The following CLIP4 variants were observed in gnomAD, a reference collection of about 807,000 sequenced individuals.
CLIP4 encodes the protein CAP-Gly domain containing linker protein family member 4, also known as CAP-Gly domain-containing linker protein 4.
Under a neutral mutation model 73.1 loss-of-function variants are expected in CLIP4, and 47 were observed. That is an observed-to-expected ratio of 0.64 (90% confidence interval 0.51 to 0.82). The LOEUF (loss-of-function observed/expected upper bound fraction) is 0.82. Ranked by LOEUF, CLIP4 falls within the 40% of genes least tolerant of loss-of-function variation. CLIP4 has a pLI of 0.00. For missense variants in CLIP4, 874 were observed against 852.9 expected (o/e 1.02, Z -0.31); for synonymous variants, 306 against 295.4 (o/e 1.04, Z -0.37).
intron 15 of CLIP4, among the ~76,000 whole-genome samples, chr2:29,180,567 C>T (rs1372862900): frequency 6.6e-6 from 1 of 152,030 alleles, no homozygotes; most frequent in East Asian, 1.9e-4. Context: ...AACATACATA[C>T]ATATGTGTAT....
intron 8 of CLIP4, among the ~76,000 whole-genome samples, chr2:29,149,145 A>T (rs1052078315): frequency 6.6e-6 from 1 of 152,194 alleles, no homozygotes; most frequent in Non-Finnish European, 1.5e-5. Flanking sequence ...AGCCATAGGC[A>T]GTGTGTAAGC....
upstream of CLIP4, chr2:29,115,266 G>A (rs1663694757): frequency 1.3e-5 from 2 of 152,266 alleles, no homozygotes; most frequent in Admixed American, 6.5e-5. The surrounding 1 kb of genome is among the most constrained non-coding windows in gnomAD (Gnocchi z 5.1). Context: ...GGGGCCGCCT[G>A]GCTTCGCGGC....
chr2:29,135,338 A>G (rs143354212), intron 5 of CLIP4, among the ~76,000 whole-genome samples: 10 of 152,318 alleles, frequency 6.6e-5, no homozygotes, highest in African/African-American at 2.4e-4. Flanking sequence ...ACTCCATCTT[A>G]TAATGAATTT....
intron 8 of CLIP4, among the ~76,000 whole-genome samples, chr2:29,148,901 C>T (rs1018766748): frequency 6.6e-6 from 1 of 152,166 alleles, no homozygotes; most frequent in Admixed American, 6.5e-5. Context: ...TTGAGACCTT[C>T]TATTCTAAAC....
intron 1 of CLIP4, among the ~76,000 whole-genome samples, chr2:29,101,286 T>C (rs200408219): frequency 0.035 from 3,486 of 98,586 alleles, 45 homozygotes; most frequent in African/African-American, 0.057. Context: ...TTTTTTTTTT[T>C]CCCCCCCCCA....
chr2:29,178,789 GT>G (rs1668489877), intron 15 of CLIP4, among the ~76,000 whole-genome samples: 2 of 152,032 alleles, frequency 1.3e-5, no homozygotes, highest in African/African-American at 4.8e-5. Context: ...GTGTGAGTGT[GT>G]TTTTCAATAT....
upstream of CLIP4, among the ~76,000 whole-genome samples, chr2:29,111,367 C>T (rs1318013581): frequency 6.6e-6 from 1 of 152,226 alleles, no homozygotes; most frequent in Non-Finnish European, 1.5e-5. Context: ...ACACTGGTAG[C>T]TGGAAACTGG....
rs889089717 is a variant in CLIP4 at position 29,183,485 on chromosome 2, A to G, written c.*1592A>G. The G allele has an allele frequency of 6.6e-6, 1 of 152,638 alleles. No homozygotes were observed. Among genetic ancestry groups the G allele is most frequent in the Non-Finnish European group, 1.5e-5 (1 of 68,026 alleles). The allele number at this position is 152,638 out of a possible 1,614,324, so 9.5% of individuals were successfully genotyped here. ...GATTCAAAAGTAAACTTATTTTATTATACAGATTATTTCTTAAAAACTCTA... is the reference window on the plus strand; with the variant it reads ...GATTCAAAAGTAAACTTATTTTATTGTACAGATTATTTCTTAAAAACTCTA... On this transcript the variant is annotated 3_prime_UTR_variant, in exon 16 of 16. Transcript: ENST00000320081.
chr2:29,155,165 G>A (rs77070689), intron 9 of CLIP4, among the ~76,000 whole-genome samples: 2,547 of 152,200 alleles, frequency 0.017, 38 homozygotes, highest in Middle Eastern at 0.061. Context: ...GGGCATTGTG[G>A]TGCACACCTG....
upstream of CLIP4, among the ~76,000 whole-genome samples, chr2:29,113,444 G>C: frequency 6.6e-6 from 1 of 152,186 alleles, no homozygotes; most frequent in East Asian, 1.9e-4. This position sits in a 1 kb window ranked among gnomAD's most constrained non-coding sequence, Gnocchi z 4.0. Flanking sequence ...GCAATACCTG[G>C]TTCTAAAGCT....
At chr2:29,165,743 T>C (rs1667566844) in intron 13 of CLIP4, among the ~76,000 whole-genome samples, 1 of 152,174 alleles carries the variant, frequency 6.6e-6, no homozygotes, top group African/African-American at 2.4e-5. Context: ...TCAGAGTACA[T>C]AGTTTGGCAT....
At chr2:29,171,003 TTA>T (rs1667966824) in intron 14 of CLIP4, among the ~76,000 whole-genome samples, 1 of 152,176 alleles carries the variant, frequency 6.6e-6, no homozygotes, top group African/African-American at 2.4e-5. Flanking sequence ...TACTGTAGCT[TTA>T]TAGTAATTCT....
chr2:29,127,671 A>G (rs1048988602), intron 2 of CLIP4, among the ~76,000 whole-genome samples: 1 of 152,116 alleles, frequency 6.6e-6, no homozygotes, highest in African/African-American at 2.4e-5. Flanking sequence ...GAGTGCTGGA[A>G]ATTCTTACCC....
chr2:29,162,912 G>T (rs549969787), intron 12 of CLIP4, among the ~76,000 whole-genome samples: 1 of 152,206 alleles, frequency 6.6e-6, no homozygotes, highest in East Asian at 1.9e-4. Context: ...CACTATTTTT[G>T]TAATTTGTAA....
chr2:29,143,536 G>A (rs1665929146), intron 6 of CLIP4, among the ~76,000 whole-genome samples, 173 bp from the exon 7 acceptor site: 1 of 151,856 alleles, frequency 6.6e-6, no homozygotes, highest in South Asian at 2.1e-4. Context: ...TTTTTTCACT[G>A]TAGGATCTTT....
chr2:29,150,943 A>G (rs960937839), intron 8 of CLIP4, among the ~76,000 whole-genome samples: 4 of 151,844 alleles, frequency 2.6e-5, no homozygotes, highest in Admixed American at 2.6e-4. Flanking sequence ...ATATTTTTCT[A>G]TATTTCTACA....
chr2:29,132,410 C>G (rs1298503530), intron 4 of CLIP4, 165 bp downstream of exon 4: 1 of 616,716 alleles, frequency 1.6e-6, no homozygotes, highest in Non-Finnish European at 2.9e-6. Context: ...ACCATATTCC[C>G]TTTAATCAAG....
intron 1 of CLIP4, among the ~76,000 whole-genome samples, chr2:29,110,000 G>C (rs930044759): frequency 1.3e-5 from 2 of 152,146 alleles, no homozygotes; most frequent in South Asian, 4.1e-4. Context: ...GGAGGTTGCA[G>C]TGAGCTGAGA....
intron 11 of CLIP4, among the ~76,000 whole-genome samples, chr2:29,159,279 A>G (rs902660389): frequency 4.6e-5 from 7 of 151,976 alleles, no homozygotes; most frequent in African/African-American, 1.5e-4. Context: ...CCTCCATCCC[A>G]TGCCCTCCTC....
Sources: gnomAD v4.1 joint callset for allele counts (sites outside exome capture counted in the v4.1 genomes callset) on GRCh38, gnomAD v4.1.1 for gene constraint, Gnocchi (gnomAD v3.1) non-coding constraint, MANE v1.5 for transcripts, NCBI Gene and HGNC (gene_info 2026-07-23, HGNC 2026-07-21) for gene names.